SHROOM4: variants seen among roughly 807,000 people sequenced by gnomAD.
The protein encoded by SHROOM4 is shroom family member 4.
In SHROOM4, 17 loss-of-function variants were observed where a neutral mutation model predicts 80.3. The observed-to-expected ratio is 0.21, with a 90% confidence interval of 0.14 to 0.32. SHROOM4 has a LOEUF of 0.32. Among genes scored for constraint, SHROOM4 ranks in the 10% least tolerant of loss-of-function variants. SHROOM4 has a pLI of 1.00. For missense variants in SHROOM4, 993 were observed against 1,140.3 expected, an observed-to-expected ratio of 0.87 and a Z score of 1.86; for synonymous variants, 400 against 437.5, an observed-to-expected ratio of 0.91 and a Z score of 1.07.
intron 2 of SHROOM4, among the ~76,000 whole-genome samples, chrX:50,683,622 G>T (rs1399887001): frequency 9.0e-6 from 1 of 111,440 alleles, no homozygotes; most frequent in African/African-American, 3.3e-5. Context: ...GAAAAAACTG[G>T]GTTCACTGTG....
rs3178517 is a variant in SHROOM4, at chrX:50,593,536, C to G, written c.*3159G>C. On this transcript the variant is annotated 3_prime_UTR_variant, in exon 9 of 9. Transcript: ENST00000376020. ...GAAACTGTCCCCTGCCCCACCCCCC[C>G]AAAAAGATCTACTAATCTTCAAATA... 9.1e-6 allele frequency: 1 copy of G among 109,768 alleles called. No individual in the cohort carries two copies. Among genetic ancestry groups the G allele is most frequent in the Admixed American group, 9.8e-5 (1 of 10,238 alleles). The allele number at this position is 109,768 out of a possible 1,213,427, so 9.0% of individuals were successfully genotyped here. A position where few individuals can be genotyped will look rare whatever the true frequency, so the allele number is the denominator to read the frequency against.
intron 2 of SHROOM4, among the ~76,000 whole-genome samples, chrX:50,654,572 T>C (rs1179103289): frequency 9.0e-6 from 1 of 110,845 alleles, no homozygotes; most frequent in African/African-American, 3.3e-5. Flanking sequence ...TCTACTCTCT[T>C]AGCAATTTAA....
chrX:50,599,008 TTGTG>T (rs57494031), intron 7 of SHROOM4, among the ~76,000 whole-genome samples: 13 of 98,810 alleles, frequency 1.3e-4, no homozygotes, highest in Non-Finnish European at 2.7e-4. Flanking sequence ...GTGTGTGTGT[TTGTG>T]TGTGTGTGTG....
chrX:50,709,334 A>T (rs1167668100), intron 1 of SHROOM4, among the ~76,000 whole-genome samples: 3 of 112,271 alleles, frequency 2.7e-5, no homozygotes, highest in African/African-American at 9.7e-5. Flanking sequence ...ATATGGGAAC[A>T]ATATTTTCTG....
At chrX:50,796,275 G>A (rs1316255265) in intron 1 of SHROOM4, among the ~76,000 whole-genome samples, 1 of 112,137 alleles carries the variant, frequency 8.9e-6, no homozygotes, top group Non-Finnish European at 1.9e-5. Flanking sequence ...GTTAGTGTTG[G>A]TCAGCTTGGA....
chrX:50,720,904 G>A (rs1192168696), intron 1 of SHROOM4, among the ~76,000 whole-genome samples: 2 of 112,136 alleles, frequency 1.8e-5, no homozygotes, highest in East Asian at 5.6e-4. Flanking sequence ...TCACCTGAGG[G>A]TGAGGACAGG....
intron 1 of SHROOM4, among the ~76,000 whole-genome samples, chrX:50,737,759 G>A (rs993979209): frequency 9.0e-6 from 1 of 111,632 alleles, no homozygotes; most frequent in Non-Finnish European, 1.9e-5. Context: ...ACAAGGAGGA[G>A]CTGGTACCAT....
chrX:50,575,951 T>A, the SHROOM4 span, among the ~76,000 whole-genome samples: 1 of 112,243 alleles, frequency 8.9e-6, no homozygotes, highest in Non-Finnish European at 1.9e-5. Flanking sequence ...CACTGCCTTG[T>A]ATTCCTGTAT....
At chrX:50,610,084 G>A (rs1467687904) in intron 5 of SHROOM4, among the ~76,000 whole-genome samples, 1 of 111,016 alleles carries the variant, frequency 9.0e-6, no homozygotes, top group Non-Finnish European at 1.9e-5. Context: ...CAATAATCAT[G>A]ATGAAGATTG....
intron 1 of SHROOM4, among the ~76,000 whole-genome samples, chrX:50,735,920 T>C (rs1267344348): frequency 9.3e-6 from 1 of 107,048 alleles, no homozygotes; most frequent in Non-Finnish European, 1.9e-5. Context: ...GGCAGGAGAA[T>C]AGCTTGAACC....
At chrX:50,790,623 T>C (rs1307185285) in intron 1 of SHROOM4, among the ~76,000 whole-genome samples, 3 of 111,824 alleles carry the variant, frequency 2.7e-5, no homozygotes, top group East Asian at 5.6e-4. Flanking sequence ...TTATGTCTGG[T>C]ATGCAAAGAT....
At chrX:50,626,279 C>T (rs1557253040) in intron 5 of SHROOM4, among the ~76,000 whole-genome samples, 1 of 111,855 alleles carries the variant, frequency 8.9e-6, no homozygotes. Flanking sequence ...TATTTTTATC[C>T]TCCAATGAAC....
intron 1 of SHROOM4, among the ~76,000 whole-genome samples, chrX:50,696,640 A>G (rs1380180610): frequency 8.9e-6 from 1 of 112,593 alleles, no homozygotes; most frequent in African/African-American, 3.2e-5. Flanking sequence ...ACAAGTAGGT[A>G]CAATGTAGCT....
At chrX:50,712,229 G>A (rs782082767) in intron 1 of SHROOM4, among the ~76,000 whole-genome samples, 12 of 111,303 alleles carry the variant, frequency 1.1e-4, no homozygotes, top group Non-Finnish European at 1.7e-4. Context: ...CCTGGGCCAC[G>A]ACCTTATATT....
intron 2 of SHROOM4, chrX:50,649,627 A>C (rs1766315963): frequency 8.9e-6 from 1 of 112,086 alleles, no homozygotes; most frequent in African/African-American, 3.2e-5. Flanking sequence ...GAAGACTTAA[A>C]ATGTTTCTAC....
chrX:50,582,983 T>C (rs1928692494), downstream of SHROOM4, among the ~76,000 whole-genome samples: 2 of 110,320 alleles, frequency 1.8e-5, no homozygotes, highest in African/African-American at 6.6e-5. Context: ...TTGTATTTTA[T>C]TCTTTCAAAG....
chrX:50,634,139 T>A lies in SHROOM4; in HGVS notation c.1934A>T (p.Lys645Ile), dbSNP rs1931213316. The A allele has an allele frequency of 8.3e-7, 1 of 1,209,068 alleles. No homozygotes were observed. The highest frequency in any genetic ancestry group is 1.8e-5 in the African/African-American group (1 of 56,788). The part of the protein sequence containing the change: ...SNTSLLSSCK[K>I]PPSPRDKLFN... ...GAGCTTGTCTCTGGGGCTGGGAGGTTTTTTACATGAAGATAGAAGAGATGT... is the reference window on the plus strand; with the variant it reads ...GAGCTTGTCTCTGGGGCTGGGAGGTATTTTACATGAAGATAGAAGAGATGT... Residue 645 changes from lysine (K) to isoleucine (I), a missense_variant, in exon 4 of 9, where the codon AAA (lysine) becomes ATA (isoleucine). By Grantham distance (102) the Lys-to-Ile change is moderately radical. Transcript: ENST00000376020.
chrX:50,658,059 T>C (rs1932373120), intron 2 of SHROOM4, among the ~76,000 whole-genome samples: 1 of 111,890 alleles, frequency 8.9e-6, no homozygotes, highest in Non-Finnish European at 1.9e-5. Context: ...TTTTCCCCTT[T>C]GCTTTCCTTC....
chrX:50,682,345 C>G (rs1932959215), intron 2 of SHROOM4, among the ~76,000 whole-genome samples: 2 of 111,644 alleles, frequency 1.8e-5, no homozygotes, highest in Non-Finnish European at 3.8e-5. Context: ...AACCCAATAC[C>G]CCTAAAAGTC....
Sources: allele counts gnomAD v4.1 joint callset (sites outside exome capture counted in the v4.1 genomes callset), GRCh38; gene constraint gnomAD v4.1.1; transcripts MANE v1.5; gene names NCBI Gene and HGNC (gene_info 2026-07-23, HGNC 2026-07-21).